MED27: variants seen among roughly 807,000 people sequenced by gnomAD.
The protein encoded by MED27 is mediator complex subunit 27.
MED27 carries 30 observed loss-of-function variants against 38.2 expected under a neutral mutation model. That is an observed-to-expected ratio of 0.79 (90% CI 0.59 to 1.07). The LOEUF (loss-of-function observed/expected upper bound fraction) is 1.07. Among genes scored for constraint, MED27 ranks in the 50% least tolerant of loss-of-function variants. MED27 has a pLI of 0.00. For synonymous variants in MED27, 122 were observed against 153.5 expected (o/e 0.79, Z 1.52); for missense variants, 289 against 397.5 (o/e 0.73, Z 2.32).
chr9:131,882,181 C>T (rs1370863468), intron 6 of MED27, among the ~76,000 whole-genome samples: 1 of 152,188 alleles, frequency 6.6e-6, no homozygotes, highest in African/African-American at 2.4e-5. Flanking sequence ...CCTCAGACTA[C>T]TCCCCTAATC....
chr9:131,865,986 C>T (rs908037316), intron 6 of MED27, among the ~76,000 whole-genome samples: 7 of 152,164 alleles, frequency 4.6e-5, no homozygotes, highest in African/African-American at 1.4e-4. Context: ...AGCTGAGGAG[C>T]GGTGACACGT....
chr9:131,938,648 A>C (rs1830724917), intron 4 of MED27, among the ~76,000 whole-genome samples: 1 of 152,218 alleles, frequency 6.6e-6, no homozygotes, highest in African/African-American at 2.4e-5. Flanking sequence ...AGAAGTCATC[A>C]GTCTCAGAAC....
At chr9:132,044,058 G>A (rs546385864) in intron 2 of MED27, among the ~76,000 whole-genome samples, 1 of 152,256 alleles carries the variant, frequency 6.6e-6, no homozygotes, top group East Asian at 1.9e-4. Flanking sequence ...AATTTGAGAT[G>A]TTTTTTAAAG....
chr9:131,901,123 A>G (rs1329593084), intron 4 of MED27, among the ~76,000 whole-genome samples: 1 of 147,250 alleles, frequency 6.8e-6, no homozygotes, highest in East Asian at 2.1e-4. Context: ...AGGGGAGAGA[A>G]GAAGGAAGGG....
chr9:131,946,721 G>C (rs1830893439), intron 3 of MED27, among the ~76,000 whole-genome samples: 1 of 152,204 alleles, frequency 6.6e-6, no homozygotes, highest in Non-Finnish European at 1.5e-5. Context: ...CCACGTCCCT[G>C]AGCAGGCTCA....
At chr9:132,046,560 T>C (rs1833343324) in intron 2 of MED27, among the ~76,000 whole-genome samples, 1 of 152,182 alleles carries the variant, frequency 6.6e-6, no homozygotes, top group Non-Finnish European at 1.5e-5. Flanking sequence ...TCGAGGACTA[T>C]GAAGAGTAAA....
At chr9:131,971,718 C>T (rs1055273848) in intron 3 of MED27, among the ~76,000 whole-genome samples, 4 of 151,922 alleles carry the variant, frequency 2.6e-5, no homozygotes, top group Admixed American at 1.3e-4. Flanking sequence ...GAGTGGGGGG[C>T]GGGGAGGTGA....
chr9:131,921,647 C>A (rs1830394129), intron 4 of MED27, among the ~76,000 whole-genome samples: 2 of 152,292 alleles, frequency 1.3e-5, no homozygotes, highest in Non-Finnish European at 2.9e-5. Flanking sequence ...ACTAGAAATA[C>A]CATTTGACCC....
chr9:131,979,831 A>ATGGCTGGCTGGCTGGCTGGCTGGC lies in MED27; in HGVS notation c.479+34482_479+34505dup, dbSNP rs71374157. On this transcript the variant is annotated intron_variant, in intron 3 of 7. Coordinates refer to ENST00000292035, the MANE Select transcript of MED27 (RefSeq NM_004269.4). The stretch of plus-strand genomic sequence containing the variant: ...TTGTAGAGTGGCACCTGAAAACAAG[A>ATGGCTGGCTGGCTGGCTGGCTGGC]TGGCTGGCTGGCTGGCTGGCTGGCT... Among the ~76,000 whole-genome samples the ATGGCTGGCTGGCTGGCTGGCTGGC allele has an allele frequency of 2.4e-3, 365 of 150,508 alleles. 5 individuals carry two copies. Among genetic ancestry groups the ATGGCTGGCTGGCTGGCTGGCTGGC allele is most frequent in the African/African-American group, 4.4e-3 (180 of 40,950 alleles).
Position 131,917,043 on chromosome 9 carries a change from G to A in MED27, c.573+22338C>T, listed in dbSNP as rs1830304400. ...CAGGTGGAGAAGGGTGCCATAGGCA[G>A]AAATGCAGGTACAAAGCATAAAAGC... On this transcript the variant is annotated intron_variant, in intron 4 of 7. Coordinates refer to ENST00000292035, the MANE Select transcript of MED27 (RefSeq NM_004269.4). This position sits in a 1 kb window ranked among gnomAD's most constrained non-coding sequence, Gnocchi z 4.6. 6.6e-6 allele frequency among the ~76,000 whole-genome samples: 1 copy of A among 152,240 alleles called. No homozygotes were observed. The highest frequency in any genetic ancestry group is 1.5e-5 in the Non-Finnish European group (1 of 68,050).
intron 3 of MED27, among the ~76,000 whole-genome samples, chr9:131,965,223 CACTT>C (rs1244681962): frequency 2.0e-5 from 3 of 152,166 alleles, no homozygotes. Context: ...GCCCAGGAAA[CACTT>C]ACTTGCTAAC....
intron 3 of MED27, among the ~76,000 whole-genome samples, chr9:131,989,619 G>T (rs1038343108): frequency 1.3e-5 from 2 of 152,104 alleles, no homozygotes; most frequent in African/African-American, 4.8e-5. Context: ...TCACACTGTT[G>T]TGAAACCAGT....
At chr9:131,934,498 A>C (rs1830646383) in intron 4 of MED27, among the ~76,000 whole-genome samples, 1 of 152,236 alleles carries the variant, frequency 6.6e-6, no homozygotes, top group Non-Finnish European at 1.5e-5. Context: ...TATTTCTCAA[A>C]AGAAGATATA....
intron 3 of MED27, among the ~76,000 whole-genome samples, chr9:131,952,809 C>A (rs115575649): frequency 6.6e-6 from 1 of 152,214 alleles, no homozygotes; most frequent in Non-Finnish European, 1.5e-5. Flanking sequence ...GTAACAGCTC[C>A]GCCCATGGGC....
At chr9:131,994,270 G>A (rs1832042976) in intron 3 of MED27, among the ~76,000 whole-genome samples, 1 of 152,142 alleles carries the variant, frequency 6.6e-6, no homozygotes, top group Non-Finnish European at 1.5e-5. Flanking sequence ...TATTGTATTT[G>A]ACAATTTCTA....
intron 2 of MED27, among the ~76,000 whole-genome samples, chr9:132,025,047 G>A (rs965807905): frequency 3.3e-5 from 5 of 152,018 alleles, no homozygotes; most frequent in Non-Finnish European, 7.4e-5. Flanking sequence ...GCAGGTGGAA[G>A]CCTGTGTGTC....
At chr9:131,891,950 G>T (rs543545484) in intron 5 of MED27, among the ~76,000 whole-genome samples, 1 of 152,160 alleles carries the variant, frequency 6.6e-6, no homozygotes, top group Admixed American at 6.5e-5. Context: ...AGGGAAGAAA[G>T]CTTTAACCAA....
intron 3 of MED27, among the ~76,000 whole-genome samples, chr9:131,941,355 C>G (rs1291319168): frequency 6.6e-6 from 1 of 152,050 alleles, no homozygotes; most frequent in African/African-American, 2.4e-5. Flanking sequence ...TTAGTTTGAA[C>G]CTGGGGCTCA....
At chr9:132,044,765 C>T (rs998974404) in intron 2 of MED27, among the ~76,000 whole-genome samples, 3 of 152,208 alleles carry the variant, frequency 2.0e-5, no homozygotes, top group East Asian at 3.8e-4. Flanking sequence ...TGAAGACACT[C>T]TAATTTTTTT....
Sources: gnomAD v4.1 joint callset for allele counts (sites outside exome capture counted in the v4.1 genomes callset) on GRCh38, gnomAD v4.1.1 for gene constraint, Gnocchi (gnomAD v3.1) non-coding constraint, MANE v1.5 for transcripts, NCBI Gene and HGNC (gene_info 2026-07-23, HGNC 2026-07-21) for gene names.